The following DENND4C variants were observed in gnomAD, a reference collection of about 807,000 sequenced individuals.
DENND4C encodes the protein DENN domain containing 4C.
In DENND4C, 108 loss-of-function variants were observed where a neutral mutation model predicts 203.0. The observed-to-expected ratio is 0.53, with a 90% CI of 0.46 to 0.62. DENND4C has a LOEUF of 0.62. Among genes scored for constraint, DENND4C ranks in the 20% least tolerant of loss-of-function variants. DENND4C has a pLI of 0.00. For synonymous variants in DENND4C, 871 were observed against 792.4 expected (o/e 1.10, Z -1.67); for missense variants, 2,481 against 2,301.2 (o/e 1.08, Z -1.60).
intron 2 of DENND4C, among the ~76,000 whole-genome samples, chr9:19,282,057 T>C (rs1409874091): frequency 1.3e-5 from 2 of 152,198 alleles, no homozygotes; most frequent in Non-Finnish European, 2.9e-5. Flanking sequence ...CTATAGACTT[T>C]AGTAAATTAA....
intron 12 of DENND4C, among the ~76,000 whole-genome samples, chr9:19,320,772 C>A (rs116132598): frequency 0.021 from 3,233 of 152,302 alleles, 121 homozygotes; most frequent in African/African-American, 0.073. Flanking sequence ...TTGTTACCCT[C>A]ACTCATTCAT....
intron 1 of DENND4C, among the ~76,000 whole-genome samples, chr9:19,258,174 A>T (rs368618527): frequency 6.6e-6 from 1 of 152,154 alleles, no homozygotes; most frequent in South Asian, 2.1e-4. Flanking sequence ...AGGCAAGCCA[A>T]ATAGCCTCGT....
At position 19,250,523 on chromosome 9, in the gene DENND4C, C is replaced by T. The variant is rs116877758; in HGVS notation, c.-18+19690C>T. Among the ~76,000 whole-genome samples the T allele has an allele frequency of 3.0e-3, 454 of 152,184 alleles. 7 individuals are homozygous for T. Among genetic ancestry groups the T allele is most frequent in the East Asian group, 0.011 (58 of 5,142 alleles). ...GATTACAAACGTGAGTCGCTGCACC[C>T]GACCCCAAAGTCTTAACTCATTTTG... is the stretch of plus-strand genomic sequence containing the variant. On this transcript the variant is annotated intron_variant, in intron 1 of 32. Transcript: ENST00000434457.
intron 1 of DENND4C, among the ~76,000 whole-genome samples, chr9:19,254,385 C>G (rs751491775): frequency 6.6e-6 from 1 of 152,170 alleles, no homozygotes; most frequent in African/African-American, 2.4e-5. Context: ...CATACACACA[C>G]ACAGCAGAAT....
chr9:19,272,104 A>AT lies in DENND4C; in HGVS notation c.-17-4044dup, dbSNP rs572106547. ...ATCATTACAGTGGAGAAAGGATAGT[A>AT]TTTTTTTTTTCTTTTTAAATAAAAG... On this transcript the variant is annotated intron_variant, in intron 1 of 32. Coordinates refer to ENST00000434457, the MANE Select transcript of DENND4C (RefSeq NM_001330640.2). 1.3e-3 allele frequency among the ~76,000 whole-genome samples: 194 copies of AT among 149,596 alleles called. 1 individual carries two copies. Among genetic ancestry groups the AT allele is most frequent in the South Asian group, 0.012 (55 of 4,658 alleles).
intron 1 of DENND4C, among the ~76,000 whole-genome samples, chr9:19,245,151 T>C (rs139279161): frequency 6.3e-4 from 96 of 152,254 alleles, no homozygotes; most frequent in Middle Eastern, 3.4e-3. Context: ...GAAATTCATA[T>C]TTTATTGGTC....
In DENND4C at chr9:19,336,782, T is replaced by G; in HGVS notation, c.2831T>G (p.Phe944Cys). 1 of 1,550,866 alleles carries G rather than the reference T, an allele frequency of 6.4e-7. No homozygotes were observed. Among genetic ancestry groups the G allele is most frequent in the Non-Finnish European group, 8.7e-7 (1 of 1,147,014 alleles). Reference protein sequence around the residue: ...NDANNGEHTVFVRDLIRLESI... With the variant: ...NDANNGEHTVCVRDLIRLESI... ...GCTAACAATGGGGAGCACACAGTCT[T>G]CGTCAGAGATTTAATCAGGCTTGAG... The change falls in exon 20 of 33, where the codon TTC becomes TGC. Residue 944 changes from phenylalanine (F) to cysteine (C), a missense_variant. This residue lies in a region of DENND4C where 2,289 missense variants were observed against 2,113.3 expected (regional missense o/e 1.08). Coordinates refer to ENST00000434457, the MANE Select transcript of DENND4C (RefSeq NM_001330640.2).
At chr9:19,273,146 GT>G (rs1474962323) in intron 1 of DENND4C, among the ~76,000 whole-genome samples, 1 of 151,716 alleles carries the variant, frequency 6.6e-6, no homozygotes, top group Non-Finnish European at 1.5e-5. Context: ...TAGAGACAGA[GT>G]TTCACTAGGT....
intron 29 of DENND4C, 59 bp downstream of exon 29, chr9:19,360,548 G>A: frequency 6.3e-7 from 1 of 1,596,798 alleles, no homozygotes; most frequent in Non-Finnish European, 8.5e-7. Context: ...TTAACTTCAA[G>A]GTCCTGAAAG....
At chr9:19,361,787 T>C (rs1342699885) in intron 29 of DENND4C, 59 bp from the exon 30 acceptor site, 2 of 1,020,880 alleles carry the variant, frequency 2.0e-6, no homozygotes, top group African/African-American at 1.6e-5. Context: ...CAAGCTTCAC[T>C]AGATCTACTG....
rs35973945 is a variant in DENND4C, at chr9:19,272,945, CTT to C, written c.-17-3193_-17-3192del. 1.2e-3 allele frequency among the ~76,000 whole-genome samples: 103 copies of C among 86,576 alleles called. 1 individual carries two copies. Among genetic ancestry groups the C allele is most frequent in the African/African-American group, 3.3e-3 (74 of 22,214 alleles). 56.8% of individuals were successfully genotyped at this position (86,576 alleles called of 152,430 possible). ...ACTACGCCTGGCTAATTTTTGTATC[CTT>C]TTTTTTTTTTTTTTTTTTTGAGATG... On this transcript the variant is annotated intron_variant, in intron 1 of 32. Transcript: ENST00000434457.
intron 1 of DENND4C, among the ~76,000 whole-genome samples, chr9:19,246,727 T>C (rs1825364690): frequency 6.6e-6 from 1 of 152,182 alleles, no homozygotes; most frequent in South Asian, 2.1e-4. Context: ...ATTTTTGTTT[T>C]TGTTTGTTTG....
At chr9:19,321,089 A>G (rs1226927950) in intron 12 of DENND4C, among the ~76,000 whole-genome samples, 4 of 152,228 alleles carry the variant, frequency 2.6e-5, no homozygotes, top group South Asian at 2.1e-4. Context: ...AAGCCTGTAA[A>G]GGATATTTCA....
intron 1 of DENND4C, among the ~76,000 whole-genome samples, chr9:19,243,492 G>C (rs1437676816): frequency 6.6e-6 from 1 of 152,092 alleles, no homozygotes; most frequent in South Asian, 2.1e-4. Context: ...AAAAGGAAAC[G>C]CTGTACCCGT....
chr9:19,360,406 G>T lies in DENND4C; in HGVS notation c.5323G>T (p.Val1775Phe), dbSNP rs375445031. ...ACATCCAATCATTTTCTGGAACCTC[G>T]TTTGGTATTTCAGACGTTTGGACCT... ...NQHPIIFWNL[V>F]WYFRRLDLPS... The change falls in exon 29 of 33, where the codon GTT becomes TTT. Residue 1775 changes from valine (V) to phenylalanine (F), a missense_variant. This residue lies in a region of DENND4C where 2,289 missense variants were observed against 2,113.3 expected (regional missense o/e 1.08). Coordinates refer to ENST00000434457, the MANE Select transcript of DENND4C (RefSeq NM_001330640.2). 6.2e-7 allele frequency: 1 copy of T among 1,613,910 alleles called. No homozygotes were observed. The highest frequency in any genetic ancestry group is 8.5e-7 in the Non-Finnish European group (1 of 1,179,992).
At chr9:19,241,756 G>T (rs1254446485) in intron 1 of DENND4C, among the ~76,000 whole-genome samples, 1 of 151,912 alleles carries the variant, frequency 6.6e-6, no homozygotes, top group Non-Finnish European at 1.5e-5. Context: ...GGTGACTCTC[G>T]CCTGTAATCT....
intron 10 of DENND4C, among the ~76,000 whole-genome samples, chr9:19,308,944 A>G (rs543793749): frequency 5.9e-5 from 9 of 152,340 alleles, no homozygotes; most frequent in Admixed American, 1.3e-4. Flanking sequence ...TGTCTACAAC[A>G]TGAATGAACC....
intron 10 of DENND4C, among the ~76,000 whole-genome samples, chr9:19,310,061 A>G (rs1840449297): frequency 6.6e-6 from 1 of 152,084 alleles, no homozygotes; most frequent in Admixed American, 6.5e-5. Flanking sequence ...GCTACTGTAG[A>G]TGGTATTTTA....
At chr9:19,247,315 T>C (rs1172099190) in intron 1 of DENND4C, among the ~76,000 whole-genome samples, 2 of 152,218 alleles carry the variant, frequency 1.3e-5, no homozygotes, top group East Asian at 1.9e-4. Context: ...TCTAATGCTA[T>C]GGCTGTAAGC....
Sources: gnomAD v4.1 joint callset for allele counts (sites outside exome capture counted in the v4.1 genomes callset) on GRCh38, gnomAD v4.1.1 for gene constraint, gnomAD v4.1.1 regional missense constraint, MANE v1.5 for transcripts, NCBI Gene and HGNC (gene_info 2026-07-23, HGNC 2026-07-21) for gene names.